Variants in PCNX1 observed in about 807,000 individuals in gnomAD.
The protein encoded by PCNX1 is pecanex 1.
In PCNX1, 78 loss-of-function variants were observed where a neutral mutation model predicts 242.2. The ratio of observed to expected loss-of-function variants is 0.32; its 90% CI spans 0.27 to 0.39. The LOEUF (loss-of-function observed/expected upper bound fraction) is 0.39, where lower values mean the gene tolerates loss of function less well. Ranked by LOEUF, PCNX1 falls within the 10% of genes least tolerant of loss-of-function variation. PCNX1 has a pLI of 1.00. For missense variants in PCNX1, 2,581 were observed against 2,856.5 expected (o/e 0.90, Z 2.20); for synonymous variants, 1,024 against 1,032.9 (o/e 0.99, Z 0.17).
chr14:70,921,841 A>G (rs994240611), intron 1 of PCNX1, among the ~76,000 whole-genome samples: 11 of 152,136 alleles, frequency 7.2e-5, no homozygotes, highest in African/African-American at 1.4e-4. Flanking sequence ...ATCTGACTCA[A>G]TTGACAGTAT....
intron 11 of PCNX1, 46 bp downstream of exon 11, chr14:71,013,248 T>C: frequency 7.3e-7 from 1 of 1,378,488 alleles, no homozygotes; most frequent in Non-Finnish European, 1.0e-6. Context: ...ATTTTATTTT[T>C]AAGATGAAGT....
At chr14:70,951,516 A>C (rs941070143) in intron 2 of PCNX1, among the ~76,000 whole-genome samples, 1 of 152,004 alleles carries the variant, frequency 6.6e-6, no homozygotes, top group Admixed American at 6.6e-5. Context: ...CTGGGATTAC[A>C]GGCATGCACC....
At chr14:71,050,888 GC>G in intron 23 of PCNX1, 128 bp downstream of exon 23, 11 of 895,342 alleles carry the variant, frequency 1.2e-5, no homozygotes, top group Non-Finnish European at 1.8e-5. Context: ...CATAATCTTG[GC>G]CGGGTGCAGT....
At chr14:71,060,604 GGACT>G (rs1478548019) in intron 26 of PCNX1, 1 of 152,190 alleles carries the variant, frequency 6.6e-6, no homozygotes, top group Non-Finnish European at 1.5e-5. Flanking sequence ...AAGTGATTAA[GGACT>G]ATGAAGGTGG....
At chr14:71,024,837 T>G (rs886875418) in intron 13 of PCNX1, among the ~76,000 whole-genome samples, 3 of 152,330 alleles carry the variant, frequency 2.0e-5, no homozygotes, top group African/African-American at 7.2e-5. Context: ...AACAGAAATG[T>G]GTCCAGATAT....
At chr14:71,050,848 A>T (rs748296052) in intron 23 of PCNX1, 88 bp downstream of exon 23, 17 of 1,213,054 alleles carry the variant, frequency 1.4e-5, no homozygotes, top group Non-Finnish European at 2.0e-5. Flanking sequence ...TCATGGTGTA[A>T]GTTTACTGTG....
At chr14:71,074,330 C>T (rs1246393321) in intron 27 of PCNX1, among the ~76,000 whole-genome samples, 1 of 152,154 alleles carries the variant, frequency 6.6e-6, no homozygotes, top group Non-Finnish European at 1.5e-5. Context: ...TCACTTCTGA[C>T]ATCAGCTGTA....
intron 19 of PCNX1, among the ~76,000 whole-genome samples, chr14:71,040,435 T>A (rs1257835807): frequency 1.3e-5 from 2 of 152,216 alleles, no homozygotes; most frequent in African/African-American, 2.4e-5. Flanking sequence ...TTCACATAGT[T>A]TTCTTCATGT....
intron 30 of PCNX1, among the ~76,000 whole-genome samples, chr14:71,098,637 T>A (rs1053113036): frequency 3.9e-5 from 6 of 151,912 alleles, no homozygotes; most frequent in African/African-American, 1.5e-4. Flanking sequence ...ATAGAAATGC[T>A]ACTGATTTTA....
At chr14:71,009,812 T>C in intron 9 of PCNX1, 88 bp downstream of exon 9, 1 of 653,346 alleles carries the variant, frequency 1.5e-6, no homozygotes, top group Non-Finnish European at 2.4e-6. Context: ...AAAAGTTAAT[T>C]TTTTTGTTTT....
At chr14:71,087,392 TAGTA>T in intron 28 of PCNX1, among the ~76,000 whole-genome samples, 1 of 152,342 alleles carries the variant, frequency 6.6e-6, no homozygotes, top group Middle Eastern at 3.4e-3. Context: ...AACCTATCAA[TAGTA>T]AGTTAATATC....
At chr14:71,094,765 G>A (rs2062229023) in intron 30 of PCNX1, among the ~76,000 whole-genome samples, 1 of 152,044 alleles carries the variant, frequency 6.6e-6, no homozygotes, top group Admixed American at 6.6e-5. Flanking sequence ...GCATCTCTGC[G>A]AAAAAGAAAC....
intron 16 of PCNX1, among the ~76,000 whole-genome samples, chr14:71,030,982 A>G (rs17108910): frequency 0.12 from 18,203 of 152,220 alleles, 1,166 homozygotes; most frequent in Middle Eastern, 0.24. Flanking sequence ...TTATTAAAGA[A>G]TAGTAACAGT....
At chr14:71,020,712 G>T (rs367992272) in intron 12 of PCNX1, among the ~76,000 whole-genome samples, 1 of 152,070 alleles carries the variant, frequency 6.6e-6, no homozygotes, top group African/African-American at 2.4e-5. Context: ...TCTGTAGGTT[G>T]CCTCTTCACT....
chr14:71,051,621 A>C (rs1410602950), intron 23 of PCNX1, among the ~76,000 whole-genome samples: 2 of 152,196 alleles, frequency 1.3e-5, no homozygotes, highest in African/African-American at 4.8e-5. Context: ...TCCCAAGATT[A>C]ATATATGAAT....
rs772352402 is a variant in PCNX1 at position 70,995,798 on chromosome 14, C to T, written c.2502C>T (p.Arg834=). Reference sequence around the variant, plus strand: ...CAGCCCAGGTCAAAGTCCAGTCCCGCCCCCCTTCCCAGGCTGCAGTGCTCA... The same window carrying T: ...CAGCCCAGGTCAAAGTCCAGTCCCGTCCCCCTTCCCAGGCTGCAGTGCTCA... ...QSTAQVKVQS[R]PPSQAAVLSA... is the part of the protein sequence containing the mutation. Residue 834 remains arginine, a synonymous_variant, in exon 8 of 36, where the codon CGC becomes CGT. Coordinates refer to ENST00000304743, the MANE Select transcript of PCNX1 (RefSeq NM_014982.3). 9 of 1,613,902 alleles carry T rather than the reference C, an allele frequency of 5.6e-6. No homozygotes were observed. The highest frequency in any genetic ancestry group is 1.6e-4 in the Middle Eastern group (1 of 6,062).
intron 19 of PCNX1, among the ~76,000 whole-genome samples, chr14:71,044,005 C>T (rs557405118): frequency 5.6e-4 from 85 of 152,174 alleles, no homozygotes; most frequent in Admixed American, 1.8e-3. Flanking sequence ...TTAGATATAT[C>T]TATAGTGTTG....
rs61990458 is a variant in PCNX1, at chr14:71,112,442, T to G, written c.*2507T>G. The G allele has an allele frequency of 1.3e-4, 20 of 152,104 alleles. No homozygotes were observed. The highest frequency in any genetic ancestry group is 2.1e-4 in the South Asian group (1 of 4,832). The allele number at this position is 152,104 out of a possible 1,614,324, so 9.4% of individuals were successfully genotyped here. Reference sequence around the variant, plus strand: ...AACCCTGAGAAGAAGCCCTGTTGTTTTTCTTAAGAGTCTAAAACTGACAAT... The same window carrying G: ...AACCCTGAGAAGAAGCCCTGTTGTTGTTCTTAAGAGTCTAAAACTGACAAT... On this transcript the variant is annotated 3_prime_UTR_variant, in exon 36 of 36. Transcript: ENST00000304743.
chr14:71,033,883 GT>G (rs1368868674), intron 17 of PCNX1, 47 bp from the exon 18 acceptor site: 1 of 989,676 alleles, frequency 1.0e-6, no homozygotes, highest in African/African-American at 1.7e-5. Flanking sequence ...TGAATTACTG[GT>G]TTTCAGATTA....
Sources: gnomAD v4.1 joint callset for allele counts (sites outside exome capture counted in the v4.1 genomes callset) on GRCh38, gnomAD v4.1.1 for gene constraint, MANE v1.5 for transcripts, NCBI Gene and HGNC (gene_info 2026-07-23, HGNC 2026-07-21) for gene names.